Variants in COL1A2 observed in about 807,000 individuals in gnomAD.
COL1A2 encodes the protein collagen type I alpha 2 chain.
Under a neutral mutation model 174.3 loss-of-function variants are expected in COL1A2, and 49 were observed. The observed-to-expected ratio is 0.28, with a 90% confidence interval of 0.22 to 0.36. The LOEUF (loss-of-function observed/expected upper bound fraction) is 0.36, where lower values mean the gene tolerates loss of function less well. Ranked by LOEUF, COL1A2 falls within the 10% of genes least tolerant of loss-of-function variation. The pLI is 1.00. For missense variants in COL1A2, 1,438 were observed against 1,822.7 expected (o/e 0.79, Z 3.84); for synonymous variants, 655 against 606.6 (o/e 1.08, Z -1.17).
At chr7:94,409,976 C>T (rs956305066) in intron 19 of COL1A2, among the ~76,000 whole-genome samples, 155 bp downstream of exon 19, 3 of 152,240 alleles carry the variant, frequency 2.0e-5, no homozygotes, top group Middle Eastern at 3.4e-3. Context: ...TGTACACTCC[C>T]GTCTGCTATA....
rs1377343972 is a variant in COL1A2, at chr7:94,426,055, T to C, written c.2997+4T>C. 2 of 1,612,834 alleles carry C rather than the reference T, an allele frequency of 1.2e-6. No homozygotes were observed. Among genetic ancestry groups the C allele is most frequent in the African/African-American group, 2.7e-5 (2 of 74,900 alleles). ...TGTTGGCCCAAGAGGTCCTAGTGTA[T>C]GTACATGCTGAAGATTTCTTTGCAA... On this transcript the variant is annotated splice_donor_region_variant and intron_variant, in intron 45 of 51. Transcript: ENST00000297268.
At position 94,404,837 on chromosome 7, in the gene COL1A2, A is replaced by G; in HGVS notation, c.379-2A>G. The G allele has an allele frequency of 6.2e-7, 1 of 1,614,098 alleles. No individual in the cohort carries two copies. Among genetic ancestry groups the G allele is most frequent in the Non-Finnish European group, 8.5e-7 (1 of 1,179,994 alleles). On this transcript the variant is annotated splice_acceptor_variant, in intron 8 of 51. Coordinates refer to ENST00000297268, the MANE Select transcript of COL1A2 (RefSeq NM_000089.4). LOFTEE classifies it high-confidence loss of function. Reference sequence around the variant, plus strand: ...GAAATGATGGGTCTCCCATTTTCTTAGGGTCCTGCAGGTGCTCGTGGTCCA... The same window carrying G: ...GAAATGATGGGTCTCCCATTTTCTTGGGGTCCTGCAGGTGCTCGTGGTCCA...
chr7:94,429,471 G>C (rs774146176), intron 51 of COL1A2, 41 bp downstream of exon 51: 1 of 1,610,658 alleles, frequency 6.2e-7, no homozygotes, highest in South Asian at 1.1e-5. Context: ...TGGGAAGTGG[G>C]ATGGAGGGGG....
chr7:94,408,666 A>T, intron 15 of COL1A2, 104 bp from the exon 16 acceptor site: 1 of 1,244,526 alleles, frequency 8.0e-7, no homozygotes, highest in Non-Finnish European at 1.2e-6. Context: ...TTACTAATAT[A>T]AACAGTGTCA....
chr7:94,397,069 A>G (rs1442059131), intron 1 of COL1A2, among the ~76,000 whole-genome samples: 1 of 152,190 alleles, frequency 6.6e-6, no homozygotes, highest in Non-Finnish European at 1.5e-5. Flanking sequence ...TCTCCGAGAC[A>G]AAAATGATAC....
At chr7:94,420,837 T>C in intron 37 of COL1A2, 172 bp from the exon 38 acceptor site, 1 of 881,332 alleles carries the variant, frequency 1.1e-6, no homozygotes, top group Non-Finnish European at 1.9e-6. Context: ...TTTATTTTAA[T>C]TCTCTGATAA....
chr7:94,430,165 T>G, intron 51 of COL1A2, 82 bp from the exon 52 acceptor site: 1 of 1,374,294 alleles, frequency 7.3e-7, no homozygotes, highest in Non-Finnish European at 1.0e-6. Context: ...CAAACAGTGG[T>G]TCTTATTAAA....
chr7:94,404,988 T>C, intron 9 of COL1A2, 96 bp downstream of exon 9: 5 of 1,361,974 alleles, frequency 3.7e-6, no homozygotes, highest in Non-Finnish European at 4.2e-6. Context: ...TGCCAAAAGC[T>C]GAATATGCCT....
intron 50 of COL1A2, 90 bp from the exon 51 acceptor site, chr7:94,429,098 C>CTTTTTTTTTTTTTTTTTTTTTTTTTTT (rs11374490): frequency 1.1e-6 from 1 of 914,538 alleles, no homozygotes; most frequent in African/African-American, 1.9e-5. Context: ...TTCCTGAGAT[C>CTTTTTTTTTTTTTTTTTTTTTTTTTTT]TTTTTTTTTC....
rs72659306 is a variant in COL1A2 at position 94,425,144 on chromosome 7, G to A, written c.2701G>A (p.Gly901Ser). ...TGAACCTGGTCCTCTTGGCATTGCC[G>A]GCCCTCCTGGGGCCCGTGGTCCTCC... The part of the protein sequence containing the change: ...VGEPGPLGIA[G>S]PPGARGPPGA... Residue 901 changes from glycine (G) to serine (S), a missense_variant, in exon 42 of 52, where the codon GGC becomes AGC. Physicochemically the swap from Gly to Ser is moderately conservative, Grantham distance 56. Coordinates refer to ENST00000297268, the MANE Select transcript of COL1A2 (RefSeq NM_000089.4). 10 of 1,614,052 alleles carry A rather than the reference G, an allele frequency of 6.2e-6. No homozygotes were observed. Among genetic ancestry groups the A allele is most frequent in the Admixed American group, 1.7e-5 (1 of 60,008 alleles).
At position 94,427,046 on chromosome 7, in the gene COL1A2, T is replaced by G. The variant is rs369434464; in HGVS notation, c.3144T>G (p.Gly1048=). 2 of 1,614,028 alleles carry G rather than the reference T, an allele frequency of 1.2e-6. No homozygotes were observed. Among genetic ancestry groups the G allele is most frequent in the Admixed American group, 3.3e-5 (2 of 60,006 alleles). Residue 1048 remains glycine (G), a synonymous_variant, in exon 47 of 52, where the codon GGT becomes GGG. Coordinates refer to ENST00000297268, the MANE Select transcript of COL1A2 (RefSeq NM_000089.4). ...HGDQGAPGSV[G]PAGPRGPAGP... ...ATCAAGGTGCTCCTGGCTCCGTGGG[T>G]CCTGCTGGTCCTAGGGTAGGTGGAC...
intron 48 of COL1A2, 140 bp from the exon 49 acceptor site, chr7:94,427,487 T>A: frequency 3.4e-6 from 4 of 1,174,132 alleles, no homozygotes; most frequent in Non-Finnish European, 3.7e-6. Flanking sequence ...GGGGGCTCGT[T>A]ATTTATTTAT....
intron 11 of COL1A2, among the ~76,000 whole-genome samples, chr7:94,405,937 A>G (rs1396903120): frequency 1.3e-5 from 2 of 152,222 alleles, no homozygotes; most frequent in African/African-American, 4.8e-5. Context: ...CAGGCTCACT[A>G]CAGAGAAAAT....
In COL1A2 at chr7:94,426,474, A is replaced by G; in HGVS notation, c.3049A>G (p.Arg1017Gly). ...DKGEPGEKGPRGLPGLKGHNG... is the reference protein window; with the variant it reads ...DKGEPGEKGPGGLPGLKGHNG... ...GGGAGAGCCCGGTGAAAAGGGGCCCAGAGGTCTTCCTGGCTTAAAGGGACA... is the reference window on the plus strand; with the variant it reads ...GGGAGAGCCCGGTGAAAAGGGGCCCGGAGGTCTTCCTGGCTTAAAGGGACA... Residue 1017 changes from arginine (R) to glycine (G), a missense_variant, in exon 46 of 52, where the codon AGA (arginine) becomes GGA (glycine). By Grantham distance (125) the Arg-to-Gly change is moderately radical (BLOSUM62 -2). This residue lies in a region of COL1A2 where 867 missense variants were observed against 1,213.7 expected (regional missense o/e 0.71). Transcript: ENST00000297268. The G allele has an allele frequency of 6.2e-7, 1 of 1,607,682 alleles. No homozygotes were observed. Among genetic ancestry groups the G allele is most frequent in the Non-Finnish European group, 8.5e-7 (1 of 1,177,490 alleles).
At chr7:94,408,125 C>G (rs1584318020) in intron 13 of COL1A2, 58 bp from the exon 14 acceptor site, 1 of 1,561,766 alleles carries the variant, frequency 6.4e-7, no homozygotes, top group East Asian at 2.2e-5. Flanking sequence ...GCAAATGATG[C>G]CTGTGACTTT....
At chr7:94,414,670 A>T (rs1028760201) in intron 29 of COL1A2, among the ~76,000 whole-genome samples, 31 of 152,284 alleles carry the variant, frequency 2.0e-4, no homozygotes, top group African/African-American at 6.7e-4. Context: ...TTCAGACATG[A>T]CACTACTATA....
Position 94,394,998 on chromosome 7 carries a change from C to A in COL1A2, c.-34C>A, listed in dbSNP as rs773077627. The stretch of plus-strand genomic sequence containing the variant: ...CTCCGCCGGTGACCCAGGGGCTCTG[C>A]GACACAAGGAGTCTGCATGTCTAAG... On this transcript the variant is annotated 5_prime_UTR_variant, in exon 1 of 52. Transcript: ENST00000297268. The A allele has an allele frequency of 3.7e-6, 6 of 1,601,044 alleles. No homozygotes were observed. Among genetic ancestry groups the A allele is most frequent in the Non-Finnish European group, 5.1e-6 (6 of 1,169,598 alleles).
intron 39 of COL1A2, chr7:94,422,439 T>A (rs983975347): frequency 1.2e-5 from 2 of 160,288 alleles, no homozygotes; most frequent in African/African-American, 4.8e-5. Flanking sequence ...ATAGCAAAGA[T>A]GTTGATTTCT....
rs1791635510 is a variant in COL1A2, at chr7:94,399,050, G to T, written c.98G>T (p.Gly33Val). ...QSLQEETVRK[G>V]PAGDRGPRGE... ...GTCCTGTTTGTATCTTTCCTGTAGG[G>T]CCCAGCCGGAGATAGAGGACCACGT... Residue 33 changes from glycine (G) to valine (V), a missense_variant and splice_region_variant, in exon 4 of 52, where the codon GGC becomes GTC. Coordinates refer to ENST00000297268, the MANE Select transcript of COL1A2 (RefSeq NM_000089.4). 1.2e-6 allele frequency: 2 copies of T among 1,613,534 alleles called. No individual in the cohort carries two copies. The highest frequency in any genetic ancestry group is 1.7e-6 in the Non-Finnish European group (2 of 1,179,614).
Sources: gnomAD v4.1 joint callset for allele counts (sites outside exome capture counted in the v4.1 genomes callset) on GRCh38, gnomAD v4.1.1 for gene constraint, gnomAD v4.1.1 regional missense constraint, MANE v1.5 for transcripts, NCBI Gene and HGNC (gene_info 2026-07-23, HGNC 2026-07-21) for gene names.